Variants in SPIRE2 observed in about 807,000 individuals in gnomAD.
The protein encoded by SPIRE2 is spire type actin nucleation factor 2.
Under a neutral mutation model 80.7 loss-of-function variants are expected in SPIRE2, and 76 were observed. The observed-to-expected ratio is 0.94, with a 90% CI of 0.78 to 1.14. The LOEUF (loss-of-function observed/expected upper bound fraction) is 1.14, where lower values mean the gene tolerates loss of function less well. Ranked by LOEUF, SPIRE2 falls within the 50% of genes most tolerant of loss-of-function variation. The probability of loss-of-function intolerance (pLI) is 0.00; values close to 1 mark genes in which losing one functional copy is unlikely to be tolerated. For missense variants in SPIRE2, 1,196 were observed against 1,015.3 expected, an observed-to-expected ratio of 1.18 and a Z score of -2.42; for synonymous variants, 535 against 432.6, an observed-to-expected ratio of 1.24 and a Z score of -2.94.
intron 12 of SPIRE2, among the ~76,000 whole-genome samples, chr16:89,866,803 G>A (rs1234419605): frequency 6.6e-6 from 1 of 150,414 alleles, no homozygotes; most frequent in African/African-American, 2.5e-5. Context: ...TAGAGACGGG[G>A]TTTCACCATG....
At chr16:89,851,187 G>A (rs1421571180) in intron 3 of SPIRE2, among the ~76,000 whole-genome samples, 5 of 152,080 alleles carry the variant, frequency 3.3e-5, no homozygotes, top group Admixed American at 3.3e-4. Flanking sequence ...GCTCTCTCCC[G>A]TTGCCTGAGT....
chr16:89,835,674 G>C (rs895448072), intron 1 of SPIRE2, among the ~76,000 whole-genome samples: 1 of 152,142 alleles, frequency 6.6e-6, no homozygotes, highest in Non-Finnish European at 1.5e-5. Flanking sequence ...TCCAGATAAG[G>C]TTGAGGCCCC....
intron 9 of SPIRE2, 115 bp downstream of exon 9, chr16:89,859,469 C>T (rs983121804): frequency 8.9e-6 from 5 of 562,312 alleles, no homozygotes; most frequent in Non-Finnish European, 1.4e-5. Context: ...CCCAGGGACC[C>T]AGGGAGCTCG....
chr16:89,861,718 G>A lies in SPIRE2; in HGVS notation c.1575+923G>A, dbSNP rs543786027. ...ATGGCAGTGGGGCCTGATCTCGACT[G>A]AAGGGTCAAATCGGGGCTGGAGGAG... On this transcript the variant is annotated intron_variant, in intron 10 of 14. Coordinates refer to ENST00000378247, the MANE Select transcript of SPIRE2 (RefSeq NM_032451.2). Among the ~76,000 whole-genome samples the A allele has an allele frequency of 4.6e-5, 7 of 152,342 alleles. No individual in the cohort carries two copies. The South Asian group carries it at 1.2e-3, about 27-fold the overall frequency.
intron 1 of SPIRE2, among the ~76,000 whole-genome samples, chr16:89,841,085 G>T (rs79284621): frequency 0.061 from 9,273 of 151,902 alleles, 447 homozygotes; most frequent in East Asian, 0.23. Context: ...TTGGGAGGCT[G>T]AGGCGGGAGG....
Position 89,828,762 on chromosome 16 carries a change from G to A in SPIRE2, c.212G>A (p.Gly71Asp), listed in dbSNP as rs1299597594. 1.7e-6 allele frequency: 2 copies of A among 1,193,320 alleles called. No individual in the cohort carries two copies. Among genetic ancestry groups the A allele is most frequent in the Admixed American group, 4.5e-5 (1 of 22,338 alleles). 73.9% of individuals were successfully genotyped at this position (1,193,320 alleles called of 1,614,324 possible). ...GGGGACCTCCTGCTGCGCGGGGACGGCTCGGTCGGGGCGCGGGAGCCCGAG... is the reference window on the plus strand; with the variant it reads ...GGGGACCTCCTGCTGCGCGGGGACGACTCGGTCGGGGCGCGGGAGCCCGAG... ...DTGDLLLRGD[G>D]SVGAREPEAA... The change falls in exon 1 of 15, where the codon GGC (glycine) becomes GAC (aspartate). Residue 71 changes from glycine (G) to aspartate (D), a missense_variant. Physicochemically the swap from Gly to Asp is moderately conservative, Grantham distance 94. Transcript: ENST00000378247. This position sits in a 1 kb window ranked among gnomAD's most constrained non-coding sequence, Gnocchi z 5.9.
At chr16:89,845,902 A>T in intron 2 of SPIRE2, 1 of 499,574 alleles carries the variant, frequency 2.0e-6, no homozygotes, top group Non-Finnish European at 3.5e-6. Context: ...ATTTTATTTT[A>T]TTTTATTGTT....
chr16:89,850,442 G>T lies in SPIRE2; in HGVS notation c.427G>T (p.Gly143Cys). ...ANNDSEDSGC[G>C]AADEGYGGPE... is the part of the protein sequence containing the mutation. ...CAACGACAGCGAGGACAGCGGCTGC[G>T]GTGCCGCCGATGAGGGCTACGGGGG... is the stretch of plus-strand genomic sequence containing the variant. Residue 143 changes from glycine to cysteine, a missense_variant, in exon 3 of 15, where the codon GGT becomes TGT. Gly to Cys is a radical substitution (Grantham distance 159). Coordinates refer to ENST00000378247, the MANE Select transcript of SPIRE2 (RefSeq NM_032451.2). 6.4e-7 allele frequency: 1 copy of T among 1,569,432 alleles called. No homozygotes were observed. The highest frequency in any genetic ancestry group is 1.2e-5 in the South Asian group (1 of 84,444).
intron 12 of SPIRE2, among the ~76,000 whole-genome samples, chr16:89,864,078 G>A (rs756973779): frequency 2.0e-5 from 3 of 152,194 alleles, no homozygotes; most frequent in Non-Finnish European, 4.4e-5. Context: ...CCCAGTTTCA[G>A]CCAAGATGGG....
At chr16:89,844,842 C>CA (rs1461345541) in intron 1 of SPIRE2, among the ~76,000 whole-genome samples, 3 of 152,220 alleles carry the variant, frequency 2.0e-5, no homozygotes, top group Non-Finnish European at 4.4e-5. Flanking sequence ...CTCGGCATCT[C>CA]AAAGTGCTGG....
intron 9 of SPIRE2, 81 bp from the exon 10 acceptor site, chr16:89,860,602 A>G: frequency 2.1e-6 from 2 of 960,332 alleles, no homozygotes; most frequent in Non-Finnish European, 1.6e-6. Flanking sequence ...GCCCTCCACC[A>G]TCTCTATCAT....
chr16:89,835,181 A>T lies in SPIRE2; in HGVS notation c.244+6387A>T, dbSNP rs1210402583. Among the ~76,000 whole-genome samples, 26 of 143,928 alleles carry T rather than the reference A, an allele frequency of 1.8e-4. 1 individual carries two copies. Among genetic ancestry groups the T allele is most frequent in the Non-Finnish European group, 1.5e-5 (1 of 67,988 alleles). The allele number at this position is 143,928 out of a possible 152,430, so 94.4% of individuals were successfully genotyped here. A position where few individuals can be genotyped will look rare whatever the true frequency, so the allele number is the denominator to read the frequency against. On this transcript the variant is annotated intron_variant, in intron 1 of 14. Transcript: ENST00000378247. ...CCGTCGTAGAAGCGTGGATAAGCAT[A>T]GCCCGTGTGAATCTGTGAACCTGCC...
chr16:89,861,421 G>GA (rs2041743502), intron 10 of SPIRE2, among the ~76,000 whole-genome samples: 1 of 152,202 alleles, frequency 6.6e-6, no homozygotes, highest in Admixed American at 6.5e-5. Context: ...AATGCTTTGA[G>GA]AACTATGAGC....
Position 89,870,448 on chromosome 16 carries a change from C to T in SPIRE2, c.*176C>T, listed in dbSNP as rs2041830433. On this transcript the variant is annotated 3_prime_UTR_variant, in exon 15 of 15. Coordinates refer to ENST00000378247, the MANE Select transcript of SPIRE2 (RefSeq NM_032451.2). ...CCCAGAGCTCATTTGGGTTCAGGCGCACTTCAAAACCCTCCCTGGGGGAGG... is the reference window on the plus strand; with the variant it reads ...CCCAGAGCTCATTTGGGTTCAGGCGTACTTCAAAACCCTCCCTGGGGGAGG... 3 of 551,288 alleles carry T rather than the reference C, an allele frequency of 5.4e-6. No homozygotes were observed. Among genetic ancestry groups the T allele is most frequent in the Non-Finnish European group, 9.7e-6 (3 of 310,812 alleles). The allele number at this position is 551,288 out of a possible 1,614,324, so 34.1% of individuals were successfully genotyped here. A position where few individuals can be genotyped will look rare whatever the true frequency, so the allele number is the denominator to read the frequency against.
At chr16:89,844,760 T>C (rs976906601) in intron 1 of SPIRE2, among the ~76,000 whole-genome samples, 3 of 152,182 alleles carry the variant, frequency 2.0e-5, no homozygotes, top group Non-Finnish European at 4.4e-5. Context: ...TTTTAAAATT[T>C]TTTGTAGCCA....
At chr16:89,865,695 C>T (rs2041782908) in intron 12 of SPIRE2, among the ~76,000 whole-genome samples, 1 of 152,066 alleles carries the variant, frequency 6.6e-6, no homozygotes, top group Admixed American at 6.6e-5. Flanking sequence ...CTGGGCCGGG[C>T]GCGGTGGCTC....
At chr16:89,855,733 G>T (rs1371745428) in intron 6 of SPIRE2, 47 bp downstream of exon 6, 28 of 1,585,660 alleles carry the variant, frequency 1.8e-5, no homozygotes, top group Non-Finnish European at 2.4e-5. Flanking sequence ...GGGGCCTGGT[G>T]CTGTCCTGTA....
rs1382011281 is a variant in SPIRE2, at chr16:89,869,652, C to T, written c.1892C>T (p.Thr631Ile). Residue 631 changes from threonine (T) to isoleucine (I), a missense_variant, in exon 14 of 15, where the codon ACC (threonine) becomes ATC (isoleucine). By Grantham distance (89) the Thr-to-Ile change is moderately conservative. Coordinates refer to ENST00000378247, the MANE Select transcript of SPIRE2 (RefSeq NM_032451.2). ...ESPQRVSAAK[T>I]APIQRRDIFQ... ...CCTCAGAGGGTATCAGCTGCCAAAACCGCGCCAATCCAGAGAAGAGACATC... is the reference window on the plus strand; with the variant it reads ...CCTCAGAGGGTATCAGCTGCCAAAATCGCGCCAATCCAGAGAAGAGACATC... The T allele has an allele frequency of 8.1e-6, 13 of 1,614,150 alleles. No individual in the cohort carries two copies. The highest frequency in any genetic ancestry group is 1.3e-5 in the African/African-American group (1 of 75,054).
intron 1 of SPIRE2, among the ~76,000 whole-genome samples, chr16:89,836,777 C>G (rs112898198): frequency 2.6e-3 from 379 of 148,542 alleles, no homozygotes; most frequent in African/African-American, 8.5e-3. Context: ...GTCGGGAGTT[C>G]GAGACCAGCC....
Sources: gnomAD v4.1 joint callset for allele counts (sites outside exome capture counted in the v4.1 genomes callset) on GRCh38, gnomAD v4.1.1 for gene constraint, Gnocchi (gnomAD v3.1) non-coding constraint, MANE v1.5 for transcripts, NCBI Gene and HGNC (gene_info 2026-07-23, HGNC 2026-07-21) for gene names.